GUCA2B: variants seen among roughly 807,000 people sequenced by gnomAD.
The protein encoded by GUCA2B is prepro-uroguanylin.
Under a neutral mutation model 11.1 loss-of-function variants are expected in GUCA2B, and 7 were observed. The observed-to-expected ratio is 0.63, with a 90% CI of 0.36 to 1.18. The LOEUF (loss-of-function observed/expected upper bound fraction) is 1.18. GUCA2B is among the 50% of genes most tolerant of loss of function. The pLI, the probability that GUCA2B is intolerant of heterozygous loss-of-function variation, is 0.02. For synonymous variants in GUCA2B, 69 were observed against 65.3 expected, an observed-to-expected ratio of 1.06 and a Z score of -0.27; for missense variants, 140 against 142.5, an observed-to-expected ratio of 0.98 and a Z score of 0.09.
At position 42,154,746 on chromosome 1, in the gene GUCA2B, C is replaced by T; in HGVS notation, c.157C>T (p.Pro53Ser). ...GAGTGACCTGGAGGCACAGTGGGCA[C>T]CCAGCCCCCGCCTGCAGGCCCAGAG... The part of the protein sequence containing the change: ...KLSDLEAQWA[P>S]SPRLQAQSLL... The change falls in exon 2 of 3, where the codon CCC becomes TCC. Residue 53 changes from proline to serine, a missense_variant. Coordinates refer to ENST00000372581, the MANE Select transcript of GUCA2B (RefSeq NM_007102.3). 1 of 1,613,850 alleles carries T rather than the reference C, an allele frequency of 6.2e-7. No homozygotes were observed. Among genetic ancestry groups the T allele is most frequent in the Non-Finnish European group, 8.5e-7 (1 of 1,179,710 alleles).
chr1:42,155,473 T>G, intron 2 of GUCA2B, 62 bp from the exon 3 acceptor site: 3 of 1,354,570 alleles, frequency 2.2e-6, no homozygotes, highest in Non-Finnish European at 3.2e-6. Flanking sequence ...GCAGACCTCT[T>G]CTGCTGCCTG....
In GUCA2B at chr1:42,155,563, G is replaced by A; in HGVS notation, c.306G>A (p.Leu102=). 2 of 1,614,014 alleles carry A rather than the reference G, an allele frequency of 1.2e-6. No individual in the cohort carries two copies. Among genetic ancestry groups the A allele is most frequent in the Non-Finnish European group, 1.7e-6 (2 of 1,179,890 alleles). Reference sequence around the variant, plus strand: ...CCATCGCTAACGACGACTGTGAGCTGTGTGTGAACGTTGCGTGTACCGGCT... The same window carrying A: ...CCATCGCTAACGACGACTGTGAGCTATGTGTGAACGTTGCGTGTACCGGCT... The part of the protein sequence containing the change: ...LRTIANDDCE[L]CVNVACTGCL The change falls in exon 3 of 3, where the codon CTG becomes CTA. Residue 102 remains leucine, a synonymous_variant. Transcript: ENST00000372581.
intron 2 of GUCA2B, 51 bp from the exon 3 acceptor site, chr1:42,155,484 G>A: frequency 6.9e-7 from 1 of 1,452,616 alleles, no homozygotes; most frequent in Non-Finnish European, 9.7e-7. Flanking sequence ...CTGCTGCCTG[G>A]CCACAGAGGG....
At position 42,155,552 on chromosome 1, in the gene GUCA2B, G is replaced by T; in HGVS notation, c.295G>T (p.Asp99Tyr). 6.2e-7 allele frequency: 1 copy of T among 1,614,002 alleles called. No individual in the cohort carries two copies. The highest frequency in any genetic ancestry group is 1.1e-5 in the South Asian group (1 of 91,078). Residue 99 changes from aspartate to tyrosine, a missense_variant, in exon 3 of 3, where the codon GAC becomes TAC. Physicochemically the swap from Asp to Tyr is radical, Grantham distance 160. Coordinates refer to ENST00000372581, the MANE Select transcript of GUCA2B (RefSeq NM_007102.3). ...CTGCCCAGGGACCATCGCTAACGAC[G>T]ACTGTGAGCTGTGTGTGAACGTTGC... ...FKTLRTIAND[D>Y]CELCVNVACT... is the part of the protein sequence containing the mutation.
rs1245595238 is a variant in GUCA2B at position 42,153,635 on chromosome 1, G to A, written c.90+95G>A. ...TACTGGGAATTCAGAGGGGCACCGGGGGAGCACGGGGCCCGGGGCTCAGCC... is the reference window on the plus strand; with the variant it reads ...TACTGGGAATTCAGAGGGGCACCGGAGGAGCACGGGGCCCGGGGCTCAGCC... On this transcript the variant is annotated intron_variant, in intron 1 of 2. Transcript: ENST00000372581. 4.5e-6 allele frequency: 4 copies of A among 881,458 alleles called. No individual in the cohort carries two copies. In the African/African-American group the frequency reaches 5.0e-5, roughly 11 times the overall value. The allele number at this position is 881,458 out of a possible 1,614,324, so 54.6% of individuals were successfully genotyped here.
At chr1:42,154,084 G>C (rs190251703) in intron 1 of GUCA2B, among the ~76,000 whole-genome samples, 1 of 152,330 alleles carries the variant, frequency 6.6e-6, no homozygotes, top group Non-Finnish European at 1.5e-5. Context: ...GGGGGCATGG[G>C]AGAGTGGCAG....
At chr1:42,153,966 T>C (rs1052633660) in intron 1 of GUCA2B, among the ~76,000 whole-genome samples, 3 of 152,184 alleles carry the variant, frequency 2.0e-5, no homozygotes, top group African/African-American at 7.2e-5. Context: ...CATTGCAAGA[T>C]GAACAGGAGG....
Position 42,153,531 on chromosome 1 carries a change from CT to C in GUCA2B, c.82del (p.Tyr28ThrfsTer14). ...TGCTGCTGCAGAGCACACAGTCAGT[CT>C]ACATCCAGGTGAGTCCCTTGGCCAG... Reference protein sequence around the residue: ...LLLLQSTQSVYIQYQGFRVQL... With the variant: ...LLLLQSTQSVXIQYQGFRVQL... On this transcript the variant is annotated frameshift_variant, in exon 1 of 3. Coordinates refer to ENST00000372581, the MANE Select transcript of GUCA2B (RefSeq NM_007102.3). LOFTEE classifies it high-confidence loss of function. The C allele has an allele frequency of 6.2e-7, 1 of 1,610,604 alleles. No homozygotes were observed. The highest frequency in any genetic ancestry group is 8.5e-7 in the Non-Finnish European group (1 of 1,177,568).
chr1:42,155,347 G>C (rs1185888457), intron 2 of GUCA2B, among the ~76,000 whole-genome samples, 188 bp from the exon 3 acceptor site: 1 of 152,228 alleles, frequency 6.6e-6, no homozygotes, highest in Non-Finnish European at 1.5e-5. Flanking sequence ...CAGGGAGTGT[G>C]AGTGACTTGC....
Position 42,154,739 on chromosome 1 carries a change from G to A in GUCA2B, c.150G>A (p.Gln50=). ...SMKKLSDLEA[Q]WAPSPRLQAQ... The stretch of plus-strand genomic sequence containing the variant: ...AGAAGCTGAGTGACCTGGAGGCACA[G>A]TGGGCACCCAGCCCCCGCCTGCAGG... The change falls in exon 2 of 3, where the codon CAG becomes CAA. Residue 50 remains glutamine (Q), a synonymous_variant. Coordinates refer to ENST00000372581, the MANE Select transcript of GUCA2B (RefSeq NM_007102.3). 2 of 1,614,058 alleles carry A rather than the reference G, an allele frequency of 1.2e-6. No homozygotes were observed. Among genetic ancestry groups the A allele is most frequent in the Non-Finnish European group, 1.7e-6 (2 of 1,179,876 alleles).
chr1:42,153,651 G>A (rs952164133), intron 1 of GUCA2B, 111 bp downstream of exon 1: 10 of 764,188 alleles, frequency 1.3e-5, no homozygotes, highest in Non-Finnish European at 1.9e-5. Flanking sequence ...ACGGGGCCCG[G>A]GGCTCAGCCC....
At position 42,154,687 on chromosome 1, in the gene GUCA2B, G is replaced by A. The variant is rs1255091163; in HGVS notation, c.98G>A (p.Gly33Asp). 1 of 1,613,980 alleles carries A rather than the reference G, an allele frequency of 6.2e-7. No individual in the cohort carries two copies. The highest frequency in any genetic ancestry group is 1.1e-5 in the South Asian group (1 of 91,080). The part of the protein sequence containing the change: ...STQSVYIQYQ[G>D]FRVQLESMKK... ...CCTCTCCCCTGTCTGTAGTACCAAGGCTTCCGGGTCCAGCTGGAATCCATG... is the reference window on the plus strand; with the variant it reads ...CCTCTCCCCTGTCTGTAGTACCAAGACTTCCGGGTCCAGCTGGAATCCATG... The change falls in exon 2 of 3, where the codon GGC becomes GAC. Residue 33 changes from glycine (G) to aspartate (D), a missense_variant. Gly to Asp is a moderately conservative substitution (Grantham distance 94, BLOSUM62 -1). Coordinates refer to ENST00000372581, the MANE Select transcript of GUCA2B (RefSeq NM_007102.3).
chr1:42,155,675 C>A lies in GUCA2B; in HGVS notation c.*79C>A. The A allele has an allele frequency of 9.1e-7, 1 of 1,102,588 alleles. No homozygotes were observed. Among genetic ancestry groups the A allele is most frequent in the Non-Finnish European group, 1.4e-6 (1 of 713,726 alleles). 68.3% of individuals were successfully genotyped at this position (1,102,588 alleles called of 1,614,324 possible). ...ACCCTGGCAGGCTTCCATCCCCGTC[C>A]ATGCTCAAGATGGGTCCCTGGCCAC... On this transcript the variant is annotated 3_prime_UTR_variant, in exon 3 of 3. Transcript: ENST00000372581.
At chr1:42,154,148 G>A (rs1031427665) in intron 1 of GUCA2B, among the ~76,000 whole-genome samples, 16 of 152,262 alleles carry the variant, frequency 1.1e-4, no homozygotes, top group African/African-American at 2.9e-4. Context: ...TGCTGGCCTC[G>A]CCCAGCATAG....
At chr1:42,153,797 G>A (rs1646095239) in intron 1 of GUCA2B, among the ~76,000 whole-genome samples, 1 of 152,224 alleles carries the variant, frequency 6.6e-6, no homozygotes, top group African/African-American at 2.4e-5. Flanking sequence ...GGTCACAGAG[G>A]TCAGGGTGTG....
At chr1:42,153,793 A>G (rs1016857735) in intron 1 of GUCA2B, among the ~76,000 whole-genome samples, 1 of 152,222 alleles carries the variant, frequency 6.6e-6, no homozygotes, top group Admixed American at 6.5e-5. Context: ...TGCTGGTCAC[A>G]GAGGTCAGGG....
chr1:42,153,636 G>A (rs1024283299), intron 1 of GUCA2B, 96 bp downstream of exon 1: 1 of 877,690 alleles, frequency 1.1e-6, no homozygotes, highest in South Asian at 1.5e-5. Context: ...GGGCACCGGG[G>A]GAGCACGGGG....
In GUCA2B at chr1:42,153,490, G is replaced by A. The variant is rs553774028; in HGVS notation, c.40G>A (p.Ala14Thr). 3.1e-6 allele frequency: 5 copies of A among 1,612,814 alleles called. No homozygotes were observed. The East Asian group carries it at 8.9e-5, about 29-fold the overall frequency. Residue 14 changes from alanine to threonine, a missense_variant, in exon 1 of 3, where the codon GCC (alanine) becomes ACC (threonine). Transcript: ENST00000372581. ...RAASGLLPGV[A>T]VVLLLLLQST... ...TGCATCAGGGCTCCTGCCAGGAGTG[G>A]CCGTGGTCCTCCTGCTGCTGCTGCA... is the stretch of plus-strand genomic sequence containing the variant.
chr1:42,154,829 C>A lies in GUCA2B; in HGVS notation c.240C>A (p.Cys80Ter), dbSNP rs144117245. The stretch of plus-strand genomic sequence containing the variant: ...TGCCTCAGGACCTTCAGCCTGTCTG[C>A]GCCTCGCAGGAGGCTTCCAGCATCT... ...PALPQDLQPV[C>*]ASQEASSIFK... Residue 80 changes from cysteine (C) to a stop codon, truncating the protein, a stop_gained, in exon 2 of 3, where the codon TGC becomes TGA. Coordinates refer to ENST00000372581, the MANE Select transcript of GUCA2B (RefSeq NM_007102.3). LOFTEE classifies it high-confidence loss of function. The A allele has an allele frequency of 1.9e-6, 3 of 1,613,904 alleles. No individual in the cohort carries two copies. The highest frequency in any genetic ancestry group is 3.3e-5 in the Admixed American group (2 of 60,014).
Sources: allele counts gnomAD v4.1 joint callset (sites outside exome capture counted in the v4.1 genomes callset), GRCh38; gene constraint gnomAD v4.1.1; transcripts MANE v1.5; gene names NCBI Gene and HGNC (gene_info 2026-07-23, HGNC 2026-07-21).